Variants in WIPI1 observed in about 807,000 individuals in gnomAD.
WIPI1 encodes WD repeat domain phosphoinositide-interacting protein 1.
A neutral mutation model predicts 55.3 loss-of-function variants in WIPI1; 45 were observed. That is an observed-to-expected ratio of 0.81 (90% CI 0.64 to 1.04). The LOEUF (loss-of-function observed/expected upper bound fraction) is 1.04, where lower values mean the gene tolerates loss of function less well. Ranked by LOEUF, WIPI1 falls within the 50% of genes least tolerant of loss-of-function variation. The pLI is 0.00. For missense variants in WIPI1, 445 were observed against 559.0 expected (o/e 0.80, Z 2.06); for synonymous variants, 195 against 217.6 (o/e 0.90, Z 0.92).
chr17:68,427,914 G>C (rs985104297), intron 10 of WIPI1, among the ~76,000 whole-genome samples: 97 of 152,238 alleles, frequency 6.4e-4, no homozygotes, highest in African/African-American at 2.2e-3. Context: ...TTTTGAGACA[G>C]GGTCTCACTC....
intron 4 of WIPI1, among the ~76,000 whole-genome samples, chr17:68,442,345 G>A (rs1372790420): frequency 6.6e-6 from 1 of 151,704 alleles, no homozygotes; most frequent in African/African-American, 2.4e-5. Context: ...GGCACCTGTA[G>A]TCCCAGCTAC....
intron 8 of WIPI1, among the ~76,000 whole-genome samples, chr17:68,430,664 C>T (rs147503822): frequency 1.3e-5 from 2 of 152,250 alleles, no homozygotes; most frequent in Admixed American, 1.3e-4. Context: ...CCCAGGTACC[C>T]AGCATGTGTA....
chr17:68,448,667 C>T (rs932783024), intron 3 of WIPI1, among the ~76,000 whole-genome samples: 15 of 152,096 alleles, frequency 9.9e-5, no homozygotes, highest in Non-Finnish European at 2.2e-4. Flanking sequence ...TTGAGGGTTC[C>T]GGTCTTTACA....
chr17:68,427,118 G>A lies in WIPI1; in HGVS notation c.1192+17C>T. ...CACTGTTGGAGATGCTCCCCTGTTG[G>A]CCCCGTGTCCACCCACCTGGCACCG... On this transcript the variant is annotated intron_variant, in intron 11 of 12. Coordinates refer to ENST00000262139, the MANE Select transcript of WIPI1 (RefSeq NM_017983.7). 2 of 1,602,674 alleles carry A rather than the reference G, an allele frequency of 1.2e-6. No individual in the cohort carries two copies. The highest frequency in any genetic ancestry group is 2.2e-5 in the East Asian group (1 of 44,808).
chr17:68,451,023 C>A, intron 2 of WIPI1, 126 bp from the exon 3 acceptor site: 1 of 1,330,182 alleles, frequency 7.5e-7, no homozygotes, highest in Non-Finnish European at 1.0e-6. Flanking sequence ...CGGCCAGGCG[C>A]CCTCTCTGAG....
At chr17:68,447,450 T>G (rs753419039) in intron 3 of WIPI1, among the ~76,000 whole-genome samples, 1 of 152,200 alleles carries the variant, frequency 6.6e-6, no homozygotes, top group Non-Finnish European at 1.5e-5. Flanking sequence ...AGCGTGATCA[T>G]AGCTCACTGC....
At chr17:68,426,243 GGGGAGC>G in intron 11 of WIPI1, 68 bp from the exon 12 acceptor site, 5 of 935,360 alleles carry the variant, frequency 5.3e-6, no homozygotes, top group Non-Finnish European at 7.9e-6. Flanking sequence ...CCTGGCGGGT[GGGGAGC>G]GGGGGCTCAA....
chr17:68,453,744 G>A (rs566679065), intron 1 of WIPI1, among the ~76,000 whole-genome samples: 95 of 152,220 alleles, frequency 6.2e-4, no homozygotes, highest in African/African-American at 2.2e-3. Flanking sequence ...CTCCCAAAGT[G>A]CTTAGGCATC....
In WIPI1 at chr17:68,432,260, T is replaced by C. The variant is rs577366459; in HGVS notation, c.800+1208A>G. ...TAGAGATGAGGGGACGTCAGTCCCA[T>C]GGCTGTGATATGTGACATGGCTCAG... On this transcript the variant is annotated intron_variant, in intron 8 of 12. Coordinates refer to ENST00000262139, the MANE Select transcript of WIPI1 (RefSeq NM_017983.7). Among the ~76,000 whole-genome samples, 885 of 152,252 alleles carry C rather than the reference T, an allele frequency of 5.8e-3. 4 individuals carry two copies. Among genetic ancestry groups the C allele is most frequent in the Middle Eastern group, 0.01 (3 of 294 alleles).
intron 3 of WIPI1, among the ~76,000 whole-genome samples, chr17:68,449,161 C>T (rs1262231585): frequency 6.6e-6 from 1 of 152,182 alleles, no homozygotes; most frequent in Non-Finnish European, 1.5e-5. Flanking sequence ...GCAGCAACCG[C>T]TCTGGGAATA....
At chr17:68,445,691 T>G (rs1055115576) in intron 3 of WIPI1, among the ~76,000 whole-genome samples, 3 of 152,194 alleles carry the variant, frequency 2.0e-5, no homozygotes, top group Non-Finnish European at 2.9e-5. Flanking sequence ...ACAGGGTTGA[T>G]GTATCGGGTG....
intron 4 of WIPI1, chr17:68,440,940 T>C (rs1206224681): frequency 1.3e-5 from 2 of 152,264 alleles, no homozygotes; most frequent in African/African-American, 4.8e-5. Context: ...AAATGCCCTA[T>C]GCTCCTACAA....
intron 3 of WIPI1, among the ~76,000 whole-genome samples, chr17:68,446,547 C>A (rs2147964831): frequency 6.6e-6 from 1 of 152,300 alleles, no homozygotes; most frequent in South Asian, 2.1e-4. Context: ...TAAAAAAATT[C>A]TAACAGGTTC....
At position 68,421,533 on chromosome 17, in the gene WIPI1, T is replaced by C. The variant is rs2082772949; in HGVS notation, c.*240A>G. ...ATATGGTTAATTAGCATTTACACTATAGTTTGAACGTATTTTAAATAGCAT... is the reference window on the plus strand; with the variant it reads ...ATATGGTTAATTAGCATTTACACTACAGTTTGAACGTATTTTAAATAGCAT... On this transcript the variant is annotated 3_prime_UTR_variant, in exon 13 of 13. Coordinates refer to ENST00000262139, the MANE Select transcript of WIPI1 (RefSeq NM_017983.7). The C allele has an allele frequency of 2.4e-5, 13 of 549,356 alleles. No homozygotes were observed. The highest frequency in any genetic ancestry group is 2.3e-4 in the South Asian group (10 of 43,946). 34.0% of individuals were successfully genotyped at this position (549,356 alleles called of 1,614,324 possible).
At chr17:68,455,537 A>C (rs1263602451) in intron 1 of WIPI1, among the ~76,000 whole-genome samples, 1 of 152,220 alleles carries the variant, frequency 6.6e-6, no homozygotes, top group Non-Finnish European at 1.5e-5. Context: ...AAATGTATTC[A>C]GTAAGGGGCT....
At chr17:68,437,518 C>T (rs905833208) in intron 4 of WIPI1, among the ~76,000 whole-genome samples, 1 of 151,442 alleles carries the variant, frequency 6.6e-6, no homozygotes, top group East Asian at 1.9e-4. Flanking sequence ...AGTGCCACTG[C>T]ACTCCAGCCT....
chr17:68,422,117 T>A (rs551582604), intron 12 of WIPI1: 1 of 349,446 alleles, frequency 2.9e-6, no homozygotes, highest in South Asian at 3.7e-5. Context: ...AAACATGGAC[T>A]GCTCAATCAC....
intron 4 of WIPI1, among the ~76,000 whole-genome samples, chr17:68,437,109 C>T (rs1173258720): frequency 2.0e-5 from 3 of 151,858 alleles, no homozygotes; most frequent in Non-Finnish European, 2.9e-5. Flanking sequence ...ATTCCATTAT[C>T]CTCTAGGGTT....
chr17:68,450,872 C>G lies in WIPI1; in HGVS notation c.189G>C (p.Val63=), dbSNP rs769819779. The change falls in exon 3 of 13, where the codon GTG becomes GTC. Residue 63 remains valine (V), a synonymous_variant. Transcript: ENST00000262139. ...GSNEIPDVYI[V]ERLFSSSLVV... is the part of the protein sequence containing the mutation. Reference sequence around the variant, plus strand: ...CCAGGCTGCTGGAGAAGAGGCGCTCCACGATGTAGACGTCCGGGATTTCAT... The same window carrying G: ...CCAGGCTGCTGGAGAAGAGGCGCTCGACGATGTAGACGTCCGGGATTTCAT... 2 of 1,613,730 alleles carry G rather than the reference C, an allele frequency of 1.2e-6. No individual in the cohort carries two copies. Among genetic ancestry groups the G allele is most frequent in the South Asian group, 2.2e-5 (2 of 91,044 alleles).
Sources: gnomAD v4.1 joint callset for allele counts (sites outside exome capture counted in the v4.1 genomes callset) on GRCh38, gnomAD v4.1.1 for gene constraint, MANE v1.5 for transcripts, NCBI Gene and HGNC (gene_info 2026-07-23, HGNC 2026-07-21) for gene names.